FRMD4B: variants seen among roughly 807,000 people sequenced by gnomAD.
FRMD4B encodes FERM domain-containing protein 4B.
A neutral mutation model predicts 141.5 loss-of-function variants in FRMD4B; 74 were observed. The observed-to-expected ratio is 0.52, with a 90% CI of 0.43 to 0.63. The LOEUF (loss-of-function observed/expected upper bound fraction) is 0.63, where lower values mean the gene tolerates loss of function less well. Ranked by LOEUF, FRMD4B falls within the 30% of genes least tolerant of loss-of-function variation. FRMD4B has a pLI of 0.00. For synonymous variants in FRMD4B, 506 were observed against 467.9 expected (o/e 1.08, Z -1.05); for missense variants, 1,366 against 1,253.4 (o/e 1.09, Z -1.36).
In FRMD4B at chr3:69,410,731, ATAT is replaced by A. The variant is rs1704743810; in HGVS notation, c.-1+21900_-1+21902del. On this transcript the variant is annotated intron_variant, in intron 2 of 5. Coordinates refer to the FRMD4B transcript ENST00000459638. ...TATAAATAAATAAATAAATAAATAT[ATAT>A]ATATATATATATATATATATATATA... Among the ~76,000 whole-genome samples the A allele has an allele frequency of 5.6e-3, 456 of 81,394 alleles. 9 individuals carry two copies. The highest frequency in any genetic ancestry group is 0.017 in the African/African-American group (392 of 22,646). 53.4% of individuals were successfully genotyped at this position (81,394 alleles called of 152,430 possible).
intron 1 of FRMD4B, among the ~76,000 whole-genome samples, chr3:69,498,476 G>A (rs1309820160): frequency 1.3e-5 from 2 of 152,178 alleles, no homozygotes; most frequent in East Asian, 1.9e-4. Flanking sequence ...AATCTCAAAG[G>A]ATAAGAATAT....
At chr3:69,189,673 C>G (rs563705072) in intron 18 of FRMD4B, among the ~76,000 whole-genome samples, 1 of 152,124 alleles carries the variant, frequency 6.6e-6, no homozygotes, top group African/African-American at 2.4e-5. Context: ...CATTCTGATT[C>G]GCTGAGGTCA....
At chr3:69,275,141 A>T (rs974945021) in intron 5 of FRMD4B, among the ~76,000 whole-genome samples, 1 of 152,224 alleles carries the variant, frequency 6.6e-6, no homozygotes, top group Admixed American at 6.5e-5. Flanking sequence ...CCAAACAAAA[A>T]TGTATGCACA....
chr3:69,535,166 G>A (rs1331958056), intron 1 of FRMD4B, among the ~76,000 whole-genome samples: 2 of 152,214 alleles, frequency 1.3e-5, no homozygotes, highest in African/African-American at 4.8e-5. Flanking sequence ...CATTTAGTAA[G>A]CAGCAAAGAT....
intron 1 of FRMD4B, among the ~76,000 whole-genome samples, chr3:69,366,107 A>ACACACACACACAC (rs1559831927): frequency 7.0e-6 from 1 of 143,160 alleles, no homozygotes; most frequent in African/African-American, 2.6e-5. Flanking sequence ...ACACACACAC[A>ACACACACACACAC]AAATTAGCTG....
intron 5 of FRMD4B, among the ~76,000 whole-genome samples, chr3:69,261,205 T>A (rs2106855004): frequency 6.6e-6 from 1 of 152,300 alleles, no homozygotes; most frequent in African/African-American, 2.4e-5. Context: ...GGTCTGCATT[T>A]TCATTTATGA....
chr3:69,252,712 A>G (rs1236769599), intron 5 of FRMD4B, among the ~76,000 whole-genome samples: 1 of 152,182 alleles, frequency 6.6e-6, no homozygotes. Context: ...TGAAGTGTAA[A>G]AGCTGTTTTG....
At chr3:69,322,526 G>T (rs1309601487) in intron 1 of FRMD4B, among the ~76,000 whole-genome samples, 2 of 151,572 alleles carry the variant, frequency 1.3e-5, no homozygotes, top group African/African-American at 4.9e-5. Context: ...CTTCACATGT[G>T]TAGTGACTTC....
intron 1 of FRMD4B, among the ~76,000 whole-genome samples, chr3:69,463,724 G>A (rs1176668239): frequency 1.3e-5 from 2 of 152,154 alleles, no homozygotes; most frequent in Non-Finnish European, 2.9e-5. Context: ...TAAGTTATCT[G>A]AAGAGAAACT....
chr3:69,466,958 T>C (rs990846221), intron 1 of FRMD4B, among the ~76,000 whole-genome samples: 3 of 152,154 alleles, frequency 2.0e-5, no homozygotes, highest in African/African-American at 7.2e-5. Context: ...CACCTTCTCT[T>C]ACCAAAGTGC....
At chr3:69,487,387 G>A (rs1270912530) in intron 1 of FRMD4B, among the ~76,000 whole-genome samples, 1 of 152,190 alleles carries the variant, frequency 6.6e-6, no homozygotes, top group South Asian at 2.1e-4. Context: ...TATTAGCTAA[G>A]AAATTTGAAT....
chr3:69,473,514 T>C (rs1422396450), intron 1 of FRMD4B, among the ~76,000 whole-genome samples: 2 of 152,178 alleles, frequency 1.3e-5, no homozygotes, highest in East Asian at 1.9e-4. Context: ...CCAGACCTCA[T>C]ATGGTTTTCA....
intron 3 of FRMD4B, among the ~76,000 whole-genome samples, chr3:69,307,046 C>T (rs1282823493): frequency 6.6e-6 from 1 of 152,112 alleles, no homozygotes; most frequent in East Asian, 1.9e-4. Context: ...CCCTCAACAG[C>T]CCCGCTCATA....
At chr3:69,281,756 G>A (rs539359306) in intron 5 of FRMD4B, among the ~76,000 whole-genome samples, 52 of 151,492 alleles carry the variant, frequency 3.4e-4, no homozygotes, top group African/African-American at 1.2e-3. Flanking sequence ...CCCAGAAGGC[G>A]GAGGTTGTAG....
At chr3:69,446,658 C>T (rs762099001) in intron 1 of FRMD4B, among the ~76,000 whole-genome samples, 4 of 152,090 alleles carry the variant, frequency 2.6e-5, no homozygotes, top group African/African-American at 4.8e-5. Flanking sequence ...AAGTTAGAAC[C>T]CAATTTTCAA....
chr3:69,503,333 T>C (rs1429995751), intron 1 of FRMD4B, among the ~76,000 whole-genome samples: 1 of 151,948 alleles, frequency 6.6e-6, no homozygotes, highest in Non-Finnish European at 1.5e-5. Flanking sequence ...GGCACATATA[T>C]ACCATGGAAT....
chr3:69,188,760 T>A (rs2092799644), intron 18 of FRMD4B, among the ~76,000 whole-genome samples: 1 of 41,224 alleles, frequency 2.4e-5, no homozygotes, highest in Non-Finnish European at 4.3e-5. Flanking sequence ...CGAGACTCCG[T>A]CTCAAAAAAA....
chr3:69,366,802 C>T (rs1463387377), intron 1 of FRMD4B, among the ~76,000 whole-genome samples: 1 of 152,120 alleles, frequency 6.6e-6, no homozygotes, highest in African/African-American at 2.4e-5. Context: ...CAGGGTCTCA[C>T]TCTGTTGCCC....
chr3:69,180,804 A>T, intron 21 of FRMD4B, 95 bp downstream of exon 21: 1 of 810,158 alleles, frequency 1.2e-6, no homozygotes, highest in East Asian at 2.5e-5. Flanking sequence ...TTTGACCCTG[A>T]GTACTGGTCT....
Sources: allele counts gnomAD v4.1 joint callset (sites outside exome capture counted in the v4.1 genomes callset), GRCh38; gene constraint gnomAD v4.1.1; transcripts MANE v1.5; gene names NCBI Gene and HGNC (gene_info 2026-07-23, HGNC 2026-07-21).